Variants in JUND observed in about 807,000 individuals in gnomAD.
JUND encodes transcription factor JunD.
JUND carries 2 observed loss-of-function variants against 7.1 expected under a neutral mutation model. The ratio of observed to expected loss-of-function variants is 0.28; its 90% confidence interval spans 0.11 to 0.88. The LOEUF (loss-of-function observed/expected upper bound fraction) is 0.88, where lower values mean the gene tolerates loss of function less well. Ranked by LOEUF, JUND falls within the 40% of genes least tolerant of loss-of-function variation. The pLI is 0.60. For missense variants in JUND, 479 were observed against 519.1 expected, an observed-to-expected ratio of 0.92 and a Z score of 0.75; for synonymous variants, 335 against 263.2, an observed-to-expected ratio of 1.27 and a Z score of -2.64.
Position 18,280,395 on chromosome 19 carries a change from C to T in JUND, c.*46G>A, listed in dbSNP as rs1317797998. 2 of 1,528,278 alleles carry T rather than the reference C, an allele frequency of 1.3e-6. No homozygotes were observed. Among genetic ancestry groups the T allele is most frequent in the Admixed American group, 4.2e-5 (2 of 47,878 alleles). The allele number at this position is 1,528,278 out of a possible 1,614,324, so 94.7% of individuals were successfully genotyped here. A position where few individuals can be genotyped will look rare whatever the true frequency, so the allele number is the denominator to read the frequency against. ...GGCGCCCACGACACCCCCCCGCGAG[C>T]CCGCCCCTTGGGGAGGGTGGCCGCG... On this transcript the variant is annotated 3_prime_UTR_variant, in exon 1 of 1. Coordinates refer to ENST00000252818, the MANE Select transcript of JUND (RefSeq NM_005354.6). This position sits in a 1 kb window ranked among gnomAD's most constrained non-coding sequence, Gnocchi z 4.1.
chr19:18,281,361 C>A lies in JUND; in HGVS notation c.124G>T (p.Gly42Cys). The change falls in exon 1 of 1, where the codon GGC becomes TGC. Residue 42 changes from glycine to cysteine, a missense_variant. Gly to Cys is a radical substitution (Grantham distance 159). Transcript: ENST00000252818. ...FPGAPPTAAA[G>C]SMMKKDALTL... ...AGCGCGTCCTTCTTCATCATGCTGC[C>A]GGCCGCGGCCGTCGGGGGCGCCCCG... The A allele has an allele frequency of 7.5e-7, 1 of 1,340,742 alleles. No homozygotes were observed. The highest frequency in any genetic ancestry group is 9.5e-7 in the Non-Finnish European group (1 of 1,055,122). The allele number at this position is 1,340,742 out of a possible 1,614,324, so 83.1% of individuals were successfully genotyped here.
Position 18,280,128 on chromosome 19 carries a change from G to C in JUND, c.*313C>G. ...CCCCCTCGGAGCCCCCTTCCGCGGC[G>C]CGGTGTACAAAGGGGCAGCCGAGAC... On this transcript the variant is annotated 3_prime_UTR_variant, in exon 1 of 1. Transcript: ENST00000252818. This position sits in a 1 kb window ranked among gnomAD's most constrained non-coding sequence, Gnocchi z 4.1. 1 of 317,608 alleles carries C rather than the reference G, an allele frequency of 3.1e-6. No homozygotes were observed. The highest frequency in any genetic ancestry group is 3.4e-5 in the South Asian group (1 of 29,328). 19.7% of individuals were successfully genotyped at this position (317,608 alleles called of 1,614,324 possible).
rs3075299 is a variant in JUND at position 18,280,053 on chromosome 19, GAAAA to G, written c.*384_*387del. The G allele has an allele frequency of 9.7e-6, 2 of 205,908 alleles. No individual in the cohort carries two copies. The highest frequency in any genetic ancestry group is 5.4e-5 in the South Asian group (1 of 18,484). The allele number at this position is 205,908 out of a possible 1,614,324, so 12.8% of individuals were successfully genotyped here. A position where few individuals can be genotyped will look rare whatever the true frequency, so the allele number is the denominator to read the frequency against. ...ACACTCTGTTCTTCTCTCTTCCAAA[GAAAA>G]AAAAAAAAAAGTAAAAGTAAAGGAA... is the stretch of plus-strand genomic sequence containing the variant. On this transcript the variant is annotated 3_prime_UTR_variant, in exon 1 of 1. Coordinates refer to ENST00000252818, the MANE Select transcript of JUND (RefSeq NM_005354.6). The surrounding 1 kb of genome is among the most constrained non-coding windows in gnomAD (Gnocchi z 4.1).
Position 18,281,426 on chromosome 19 carries a change from C to A in JUND, c.59G>T (p.Gly20Val), listed in dbSNP as rs41478151. ...ALSGLGGGAS[G>V]SGGSFASPGR... The stretch of plus-strand genomic sequence containing the variant: ...CGGGGACGCGAAGCTGCCGCCGCTG[C>A]CACTGGCGCCGCCGCCCAGGCCGCT... Residue 20 changes from glycine (G) to valine (V), a missense_variant, in exon 1 of 1, where the codon GGC becomes GTC. By Grantham distance (109) the Gly-to-Val change is moderately radical. This residue lies in a region of JUND where 374 missense variants were observed against 365.4 expected (regional missense o/e 1.02). Transcript: ENST00000252818. The A allele has an allele frequency of 3.0e-4, 413 of 1,365,010 alleles. No homozygotes were observed. The highest frequency in any genetic ancestry group is 3.8e-4 in the Non-Finnish European group (404 of 1,064,782). The allele number at this position is 1,365,010 out of a possible 1,614,324, so 84.6% of individuals were successfully genotyped here.
chr19:18,280,243 G>A lies in JUND; in HGVS notation c.*198C>T, dbSNP rs1009579070. ...CATGCGCTCGCCCCCCCGGGAGCAG[G>A]GGGTCCAGCTTGTCGAGTCCTGGGC... On this transcript the variant is annotated 3_prime_UTR_variant, in exon 1 of 1. Transcript: ENST00000252818. This position sits in a 1 kb window ranked among gnomAD's most constrained non-coding sequence, Gnocchi z 4.1. 40 of 175,746 alleles carry A rather than the reference G, an allele frequency of 2.3e-4. No individual in the cohort carries two copies. The highest frequency in any genetic ancestry group is 7.4e-4 in the African/African-American group (12 of 16,110). 10.9% of individuals were successfully genotyped at this position (175,746 alleles called of 1,614,324 possible).
Position 18,281,158 on chromosome 19 carries a change from C to T in JUND, c.327G>A (p.Gln109=), listed in dbSNP as rs1969940672. 1.3e-6 allele frequency: 2 copies of T among 1,572,590 alleles called. No homozygotes were observed. The highest frequency in any genetic ancestry group is 1.7e-6 in the Non-Finnish European group (2 of 1,167,398). Residue 109 remains glutamine (Q), a synonymous_variant, in exon 1 of 1, where the codon CAG becomes CAA. Coordinates refer to ENST00000252818, the MANE Select transcript of JUND (RefSeq NM_005354.6). The part of the protein sequence containing the change: ...ASPELERLII[Q]SNGLVTTTPT... ...GCGTGGTGGTGACCAGCCCGTTGGA[C>T]TGGATGATGAGGCGCTCGAGCTCGG...
chr19:18,280,068 G>T lies in JUND; in HGVS notation c.*373C>A, dbSNP rs1026564498. On this transcript the variant is annotated 3_prime_UTR_variant, in exon 1 of 1. Transcript: ENST00000252818. This position sits in a 1 kb window ranked among gnomAD's most constrained non-coding sequence, Gnocchi z 4.1. ...CTCTTCCAAAGAAAAAAAAAAAAAA[G>T]TAAAAGTAAAGGAAAGGCAGGGTTT... 8.4e-6 allele frequency: 2 copies of T among 236,736 alleles called. No individual in the cohort carries two copies. The highest frequency in any genetic ancestry group is 1.6e-5 in the Non-Finnish European group (2 of 121,692). 14.7% of individuals were successfully genotyped at this position (236,736 alleles called of 1,614,324 possible). A position where few individuals can be genotyped will look rare whatever the true frequency, so the allele number is the denominator to read the frequency against.
chr19:18,280,957 G>A lies in JUND; in HGVS notation c.528C>T (p.Ser176=). ...AGGPSGTATG[S]APPGELAPAA... is the part of the protein sequence containing the mutation. ...CCGGGGCCAGCTCGCCGGGGGGCGC[G>A]GAGCCCGTGGCCGTGCCCGAGGGCC... The change falls in exon 1 of 1, where the codon TCC becomes TCT. Residue 176 remains serine, a synonymous_variant. Coordinates refer to ENST00000252818, the MANE Select transcript of JUND (RefSeq NM_005354.6). This position sits in a 1 kb window ranked among gnomAD's most constrained non-coding sequence, Gnocchi z 4.1. The A allele has an allele frequency of 9.5e-7, 1 of 1,052,600 alleles. No homozygotes were observed. Among genetic ancestry groups the A allele is most frequent in the Non-Finnish European group, 1.1e-6 (1 of 876,690 alleles). The allele number at this position is 1,052,600 out of a possible 1,614,324, so 65.2% of individuals were successfully genotyped here.
rs1355858041 is a variant in JUND, at chr19:18,280,321, C to A, written c.*120G>T. Reference sequence around the variant, plus strand: ...GCCGCGCCCTCTCTGAGTTCCTGGGCACACTCGGGGAGGGGGGGTCCCCAG... The same window carrying A: ...GCCGCGCCCTCTCTGAGTTCCTGGGAACACTCGGGGAGGGGGGGTCCCCAG... On this transcript the variant is annotated 3_prime_UTR_variant, in exon 1 of 1. Coordinates refer to ENST00000252818, the MANE Select transcript of JUND (RefSeq NM_005354.6). This position sits in a 1 kb window ranked among gnomAD's most constrained non-coding sequence, Gnocchi z 4.1. 3.8e-6 allele frequency: 4 copies of A among 1,057,818 alleles called. No homozygotes were observed. In the East Asian group the frequency reaches 8.4e-5, roughly 22 times the overall value. 65.5% of individuals were successfully genotyped at this position (1,057,818 alleles called of 1,614,324 possible). A position where few individuals can be genotyped will look rare whatever the true frequency, so the allele number is the denominator to read the frequency against.
chr19:18,280,891 G>A lies in JUND; in HGVS notation c.594C>T (p.Ser198=). The change falls in exon 1 of 1, where the codon AGC becomes AGT. Residue 198 remains serine (S), a synonymous_variant. Transcript: ENST00000252818. The surrounding 1 kb of genome is among the most constrained non-coding windows in gnomAD (Gnocchi z 4.1). ...CGCCCCCGGCGCCGCCCGCGTAGCTGCTCAGGTTCGCGTAGACAGGCGCTT... is the reference window on the plus strand; with the variant it reads ...CGCCCCCGGCGCCGCCCGCGTAGCTACTCAGGTTCGCGTAGACAGGCGCTT... ...APEAPVYANL[S]SYAGGAGGAG... 6 of 1,256,006 alleles carry A rather than the reference G, an allele frequency of 4.8e-6. No homozygotes were observed. Among genetic ancestry groups the A allele is most frequent in the Non-Finnish European group, 6.0e-6 (6 of 1,007,958 alleles). 77.8% of individuals were successfully genotyped at this position (1,256,006 alleles called of 1,614,324 possible).
Position 18,280,927 on chromosome 19 carries a change from C to T in JUND, c.558G>A (p.Ala186=). The T allele has an allele frequency of 8.7e-7, 1 of 1,144,386 alleles. No individual in the cohort carries two copies. Among genetic ancestry groups the T allele is most frequent in the South Asian group, 4.2e-5 (1 of 23,594 alleles). 70.9% of individuals were successfully genotyped at this position (1,144,386 alleles called of 1,614,324 possible). The change falls in exon 1 of 1, where the codon GCG becomes GCA. Residue 186 remains alanine, a synonymous_variant. Transcript: ENST00000252818. The surrounding 1 kb of genome is among the most constrained non-coding windows in gnomAD (Gnocchi z 4.1). The stretch of plus-strand genomic sequence containing the variant: ...CGTAGACAGGCGCTTCGGGCGCGGC[C>T]GCCGCCGGGGCCAGCTCGCCGGGGG... ...SAPPGELAPA[A]AAPEAPVYAN...
At position 18,280,712 on chromosome 19, in the gene JUND, A is replaced by G. The variant is rs1969928283; in HGVS notation, c.773T>C (p.Leu258Ser). The G allele has an allele frequency of 6.2e-7, 1 of 1,611,322 alleles. No homozygotes were observed. The part of the protein sequence containing the change: ...DVPSFGESPP[L>S]SPIDMDTQER... ...CTGCGTGTCCATGTCGATGGGCGAC[A>G]ACGGCGGGCTCTCGCCGAAGCTCGG... The change falls in exon 1 of 1, where the codon TTG becomes TCG. Residue 258 changes from leucine (L) to serine (S), a missense_variant. By Grantham distance (145) the Leu-to-Ser change is moderately radical. Transcript: ENST00000252818. This position sits in a 1 kb window ranked among gnomAD's most constrained non-coding sequence, Gnocchi z 4.1.
At position 18,279,891 on chromosome 19, in the gene JUND, G is replaced by C. The variant is rs41495046; in HGVS notation, c.*550C>G. Reference sequence around the variant, plus strand: ...GGGGGACCGGTCGAAAGAACCGAAGGGGGGAGCGAGATCGAGGAAAGGGGC... The same window carrying C: ...GGGGGACCGGTCGAAAGAACCGAAGCGGGGAGCGAGATCGAGGAAAGGGGC... On this transcript the variant is annotated 3_prime_UTR_variant, in exon 1 of 1. Transcript: ENST00000252818. 1.2e-3 allele frequency: 185 copies of C among 153,262 alleles called. No individual in the cohort carries two copies. The highest frequency in any genetic ancestry group is 4.2e-3 in the African/African-American group (172 of 41,082). The allele number at this position is 153,262 out of a possible 1,614,324, so 9.5% of individuals were successfully genotyped here. A position where few individuals can be genotyped will look rare whatever the true frequency, so the allele number is the denominator to read the frequency against.
Position 18,280,450 on chromosome 19 carries a change from G to A in JUND, c.1035C>T (p.Pro345=), listed in dbSNP as rs371094475. The change falls in exon 1 of 1, where the codon CCC becomes CCT. Residue 345 remains proline, a synonymous_variant. Coordinates refer to ENST00000252818, the MANE Select transcript of JUND (RefSeq NM_005354.6). This position sits in a 1 kb window ranked among gnomAD's most constrained non-coding sequence, Gnocchi z 4.1. The part of the protein sequence containing the change: ...GCQLLPQHQV[P]AY ...CGCCCCGCGCGCGGACTCAGTACGC[G>A]GGCACCTGGTGCTGGGGCAGCAGCT... 4.5e-6 allele frequency: 7 copies of A among 1,556,778 alleles called. No homozygotes were observed. In the South Asian group the frequency reaches 4.7e-5, roughly 10 times the overall value.
chr19:18,280,200 G>C lies in JUND; in HGVS notation c.*241C>G, dbSNP rs1281367294. On this transcript the variant is annotated 3_prime_UTR_variant, in exon 1 of 1. Transcript: ENST00000252818. This position sits in a 1 kb window ranked among gnomAD's most constrained non-coding sequence, Gnocchi z 4.1. ...GGCGGCCGCGCGGGGGAAAGAGGCA[G>C]CGCGAGGGCGGGGGGGTCATGCGCT... is the stretch of plus-strand genomic sequence containing the variant. 1 of 449,576 alleles carries C rather than the reference G, an allele frequency of 2.2e-6. No homozygotes were observed. The highest frequency in any genetic ancestry group is 4.0e-6 in the Non-Finnish European group (1 of 252,678). 27.8% of individuals were successfully genotyped at this position (449,576 alleles called of 1,614,324 possible). A position where few individuals can be genotyped will look rare whatever the true frequency, so the allele number is the denominator to read the frequency against.
At position 18,280,302 on chromosome 19, in the gene JUND, C is replaced by T. The variant is rs1476417366; in HGVS notation, c.*139G>A. ...GGGGGGGGAATCCCCGGGGGCCGCG[C>T]CCTCTCTGAGTTCCTGGGCACACTC... On this transcript the variant is annotated 3_prime_UTR_variant, in exon 1 of 1. Coordinates refer to ENST00000252818, the MANE Select transcript of JUND (RefSeq NM_005354.6). This position sits in a 1 kb window ranked among gnomAD's most constrained non-coding sequence, Gnocchi z 4.1. The T allele has an allele frequency of 2.0e-5, 16 of 786,122 alleles. No individual in the cohort carries two copies. Among genetic ancestry groups the T allele is most frequent in the Non-Finnish European group, 3.7e-6 (2 of 535,960 alleles). 48.7% of individuals were successfully genotyped at this position (786,122 alleles called of 1,614,324 possible).
At position 18,279,768 on chromosome 19, in the gene JUND, C is replaced by G. The variant is rs1969897479; in HGVS notation, c.*673G>C. On this transcript the variant is annotated 3_prime_UTR_variant, in exon 1 of 1. Coordinates refer to ENST00000252818, the MANE Select transcript of JUND (RefSeq NM_005354.6). ...GAGGCGGAGAGCCGAGCTGGCGTAA[C>G]GAGACTTTACTGAAAACAGAAAACC... The G allele has an allele frequency of 6.6e-6, 1 of 152,392 alleles. No individual in the cohort carries two copies. The highest frequency in any genetic ancestry group is 6.6e-5 in the Admixed American group (1 of 15,210). 9.4% of individuals were successfully genotyped at this position (152,392 alleles called of 1,614,324 possible).
chr19:18,280,132 T>G lies in JUND; in HGVS notation c.*309A>C. The G allele has an allele frequency of 1.3e-5, 4 of 308,548 alleles. No homozygotes were observed. Among genetic ancestry groups the G allele is most frequent in the Non-Finnish European group, 2.4e-5 (4 of 166,386 alleles). 19.1% of individuals were successfully genotyped at this position (308,548 alleles called of 1,614,324 possible). On this transcript the variant is annotated 3_prime_UTR_variant, in exon 1 of 1. Transcript: ENST00000252818. The surrounding 1 kb of genome is among the most constrained non-coding windows in gnomAD (Gnocchi z 4.1). ...CTCGGAGCCCCCTTCCGCGGCGCGGTGTACAAAGGGGCAGCCGAGACGCGC... is the reference window on the plus strand; with the variant it reads ...CTCGGAGCCCCCTTCCGCGGCGCGGGGTACAAAGGGGCAGCCGAGACGCGC...
Position 18,280,794 on chromosome 19 carries a change from A to C in JUND, c.691T>G (p.Leu231Val), listed in dbSNP as rs1177523014. The change falls in exon 1 of 1, where the codon TTG becomes GTG. Residue 231 changes from leucine to valine, a missense_variant. Leu to Val is a conservative substitution (Grantham distance 32). Transcript: ENST00000252818. This position sits in a 1 kb window ranked among gnomAD's most constrained non-coding sequence, Gnocchi z 4.1. ...AGCGCAGCCAGGCGCGGCGGCCCCA[A>C]CGCGCCTGGGGGTGGCGGCGGCGGG... ...PFPPPPPPGA[L>V]GPPRLAALKD... The C allele has an allele frequency of 8.8e-6, 14 of 1,583,504 alleles. No homozygotes were observed. The highest frequency in any genetic ancestry group is 1.2e-5 in the Non-Finnish European group (14 of 1,172,856).
Sources: allele counts gnomAD v4.1 joint callset, GRCh38; gene constraint gnomAD v4.1.1; regional missense constraint gnomAD v4.1.1; non-coding constraint Gnocchi (gnomAD v3.1); transcripts MANE v1.5; gene names NCBI Gene and HGNC (gene_info 2026-07-23, HGNC 2026-07-21).